Variants in CSMD1 observed in about 807,000 individuals in gnomAD.
The protein encoded by CSMD1 is CUB and Sushi multiple domains 1.
In CSMD1, 213 loss-of-function variants were observed where a neutral mutation model predicts 417.5. The observed-to-expected ratio is 0.51, with a 90% CI of 0.46 to 0.57. The LOEUF (loss-of-function observed/expected upper bound fraction) is 0.57, where lower values mean the gene tolerates loss of function less well. Among genes scored for constraint, CSMD1 ranks in the 20% least tolerant of loss-of-function variants. The pLI is 0.00. For synonymous variants in CSMD1, 2,862 were observed against 1,736.8 expected (o/e 1.65, Z -16.11); for missense variants, 6,923 against 4,529.7 (o/e 1.53, Z -15.17).
intron 49 of CSMD1, among the ~76,000 whole-genome samples, chr8:3,053,856 C>A (rs973823219): frequency 1.3e-5 from 2 of 152,130 alleles, no homozygotes; most frequent in African/African-American, 2.4e-5. Flanking sequence ...AAATAAAGAG[C>A]CTTCTTTTAC....
intron 3 of CSMD1, among the ~76,000 whole-genome samples, chr8:4,395,104 C>G (rs916806559): frequency 6.6e-6 from 1 of 152,186 alleles, no homozygotes; most frequent in Non-Finnish European, 1.5e-5. Context: ...TGAACCTCCG[C>G]TGGGAGACCC....
intron 5 of CSMD1, among the ~76,000 whole-genome samples, chr8:3,910,833 T>A (rs932808454): frequency 2.6e-5 from 4 of 152,138 alleles, no homozygotes; most frequent in African/African-American, 9.7e-5. Flanking sequence ...ACAGGCCAAA[T>A]CTCTATCTTA....
chr8:3,892,211 G>T (rs547794598), intron 5 of CSMD1, among the ~76,000 whole-genome samples: 1 of 152,210 alleles, frequency 6.6e-6, no homozygotes, highest in East Asian at 1.9e-4. Flanking sequence ...ATTTTACAAG[G>T]TTAAATTAAA....
intron 8 of CSMD1, among the ~76,000 whole-genome samples, chr8:3,597,862 G>C (rs983562903): frequency 6.6e-6 from 1 of 152,178 alleles, no homozygotes; most frequent in African/African-American, 2.4e-5. Flanking sequence ...GGGAGGGATA[G>C]CATTAGCAGA....
At chr8:3,552,276 A>C (rs1161381733) in intron 10 of CSMD1, among the ~76,000 whole-genome samples, 1 of 152,208 alleles carries the variant, frequency 6.6e-6, no homozygotes, top group Non-Finnish European at 1.5e-5. Context: ...CTTGAATACT[A>C]ATCTAAATAT....
chr8:3,738,874 A>C (rs896405532), intron 6 of CSMD1, among the ~76,000 whole-genome samples: 6 of 152,226 alleles, frequency 3.9e-5, no homozygotes, highest in Non-Finnish European at 7.3e-5. Flanking sequence ...TAGGGCATTC[A>C]TATTTCATTC....
chr8:4,148,658 G>C (rs776751720), intron 3 of CSMD1, among the ~76,000 whole-genome samples: 4 of 152,172 alleles, frequency 2.6e-5, no homozygotes, highest in African/African-American at 7.2e-5. Flanking sequence ...GGATGGCAGA[G>C]AGAGGAGCGT....
At chr8:3,577,135 G>A (rs11780268) in intron 9 of CSMD1, among the ~76,000 whole-genome samples, 51,530 of 152,048 alleles carry the variant, frequency 0.34, 10,197 homozygotes, top group Middle Eastern at 0.45. Context: ...GATCCCTAAA[G>A]CTGGCCCCGC....
At chr8:3,309,917 A>G (rs1441941019) in intron 23 of CSMD1, among the ~76,000 whole-genome samples, 1 of 152,122 alleles carries the variant, frequency 6.6e-6, no homozygotes, top group Admixed American at 6.6e-5. Context: ...GACTAAGAAA[A>G]TTTCCTTCCA....
At chr8:4,699,707 G>C (rs1038820812) in intron 1 of CSMD1, among the ~76,000 whole-genome samples, 1 of 152,072 alleles carries the variant, frequency 6.6e-6, no homozygotes, top group African/African-American at 2.4e-5. Flanking sequence ...AAATCTCCCA[G>C]ACAATTTATG....
chr8:4,554,521 T>C (rs370887798), intron 2 of CSMD1, among the ~76,000 whole-genome samples: 16 of 152,188 alleles, frequency 1.1e-4, no homozygotes, highest in Middle Eastern at 3.2e-3. Flanking sequence ...TGTGGCTTTA[T>C]AGAAATTACT....
intron 10 of CSMD1, among the ~76,000 whole-genome samples, chr8:3,531,803 T>C (rs981229488): frequency 6.6e-5 from 10 of 152,270 alleles, no homozygotes; most frequent in African/African-American, 2.4e-4. Context: ...AGCTAGAAGC[T>C]TACACAGGGG....
intron 6 of CSMD1, among the ~76,000 whole-genome samples, chr8:3,743,343 T>A (rs936232512): frequency 1.3e-5 from 2 of 152,224 alleles, no homozygotes; most frequent in African/African-American, 4.8e-5. Context: ...ACTTGCTGCT[T>A]TTGCTCTTTA....
chr8:4,087,497 C>T (rs770385038), intron 3 of CSMD1, among the ~76,000 whole-genome samples: 21 of 152,172 alleles, frequency 1.4e-4, no homozygotes, highest in Non-Finnish European at 2.8e-4. Flanking sequence ...GTAATGAAAC[C>T]TATTATTTTT....
chr8:4,101,558 A>T (rs776616432), intron 3 of CSMD1, among the ~76,000 whole-genome samples: 3 of 152,218 alleles, frequency 2.0e-5, no homozygotes, highest in Non-Finnish European at 4.4e-5. Context: ...GATGTGTAGG[A>T]AGTTTCTTAA....
chr8:4,326,694 A>G (rs142608120), intron 3 of CSMD1, among the ~76,000 whole-genome samples: 85 of 152,312 alleles, frequency 5.6e-4, no homozygotes, highest in Non-Finnish European at 9.0e-4. Flanking sequence ...ACTCAAGAAC[A>G]TGAAACATTC....
intron 3 of CSMD1, among the ~76,000 whole-genome samples, chr8:4,365,713 C>G (rs551310648): frequency 1.2e-4 from 19 of 152,130 alleles, no homozygotes; most frequent in Non-Finnish European, 2.4e-4. Context: ...GACTTTCTGC[C>G]ACGTGCTTTA....
At chr8:3,979,294 G>C (rs1340311413) in intron 5 of CSMD1, among the ~76,000 whole-genome samples, 1 of 152,170 alleles carries the variant, frequency 6.6e-6, no homozygotes, top group African/African-American at 2.4e-5. Context: ...AATTTGTTCT[G>C]GATGTAGTAA....
chr8:3,766,543 T>C (rs578010930), intron 5 of CSMD1, among the ~76,000 whole-genome samples: 1 of 152,156 alleles, frequency 6.6e-6, no homozygotes, highest in South Asian at 2.1e-4. Context: ...CAGGGAGCAG[T>C]CGGCACTGGC....
Sources: allele counts gnomAD v4.1 joint callset (sites outside exome capture counted in the v4.1 genomes callset), GRCh38; gene constraint gnomAD v4.1.1; transcripts MANE v1.5; gene names NCBI Gene and HGNC (gene_info 2026-07-23, HGNC 2026-07-21).